Variants in ARID1B observed in about 807,000 individuals in gnomAD.
ARID1B encodes the protein AT-rich interactive domain-containing protein 1B.
Under a neutral mutation model 212.3 loss-of-function variants are expected in ARID1B, and 30 were observed. The ratio of observed to expected loss-of-function variants is 0.14; its 90% confidence interval spans 0.11 to 0.19. The LOEUF is 0.19. ARID1B is among the 10% of genes least tolerant of loss of function. The pLI is 1.00. For missense variants in ARID1B, 2,891 were observed against 3,204.0 expected, an observed-to-expected ratio of 0.90 and a Z score of 2.36; for synonymous variants, 1,402 against 1,301.7, an observed-to-expected ratio of 1.08 and a Z score of -1.66.
At chr6:157,196,395 A>G (rs750758835) in intron 16 of ARID1B, 80 bp downstream of exon 16, 23 of 1,506,716 alleles carry the variant, frequency 1.5e-5, no homozygotes, top group Non-Finnish European at 1.8e-5. Context: ...GAGCCCTGGC[A>G]GCTGAGCCAC....
chr6:156,888,335 A>C (rs1411441091), intron 2 of ARID1B, among the ~76,000 whole-genome samples: 1 of 152,204 alleles, frequency 6.6e-6, no homozygotes, highest in African/African-American at 2.4e-5. Flanking sequence ...TGGTGTCCTC[A>C]CCATGTGCTT....
rs143918366 is a variant in ARID1B, at chr6:156,878,221, A to G, written c.1987-23155A>G. Among the ~76,000 whole-genome samples the G allele has an allele frequency of 2.0e-3, 297 of 152,130 alleles. 3 individuals are homozygous for G. The highest frequency in any genetic ancestry group is 6.7e-3 in the African/African-American group (277 of 41,502). On this transcript the variant is annotated intron_variant, in intron 2 of 19. Coordinates refer to ENST00000636930, the MANE Select transcript of ARID1B (RefSeq NM_001374828.1). ...TATCTGGCTACCATTTCAAGGTACC[A>G]TTTTACCTTGTGTCAGCGAGGATTC...
chr6:156,887,259 T>C (rs1787588459), intron 2 of ARID1B, among the ~76,000 whole-genome samples: 1 of 152,190 alleles, frequency 6.6e-6, no homozygotes, highest in Admixed American at 6.5e-5. Context: ...AACGTACCAA[T>C]GCTGGCTCTT....
At chr6:156,806,923 C>T (rs1272648917) in intron 1 of ARID1B, among the ~76,000 whole-genome samples, 1 of 152,204 alleles carries the variant, frequency 6.6e-6, no homozygotes, top group Non-Finnish European at 1.5e-5. Flanking sequence ...GCCAGAAAAG[C>T]TATGGATGCT....
chr6:157,186,880 A>G (rs181350117), intron 13 of ARID1B, among the ~76,000 whole-genome samples: 91 of 152,292 alleles, frequency 6.0e-4, no homozygotes, highest in Admixed American at 2.7e-3. Flanking sequence ...GTCTCTAGTC[A>G]GGTTTCAATT....
intron 12 of ARID1B, among the ~76,000 whole-genome samples, chr6:157,182,947 A>G (rs1182851277): frequency 6.6e-6 from 1 of 152,200 alleles, no homozygotes; most frequent in African/African-American, 2.4e-5. Flanking sequence ...ATTAGATTTT[A>G]TCAGCCAGCA....
intron 4 of ARID1B, among the ~76,000 whole-genome samples, chr6:156,950,170 A>G (rs539828101): frequency 6.6e-6 from 1 of 152,240 alleles, no homozygotes; most frequent in Admixed American, 6.5e-5. Context: ...TCATGGTATT[A>G]CTAGTGAGTA....
chr6:157,198,855 C>T lies in ARID1B; in HGVS notation c.4427C>T (p.Ser1476Leu), dbSNP rs1554234983. The change falls in exon 17 of 20, where the codon TCG becomes TTG. Residue 1476 changes from serine to leucine, a missense_variant. Around this residue, in one of 7 missense-constraint regions of ARID1B, gnomAD observed 666 missense variants for 873.5 expected, o/e 0.76. Coordinates refer to ENST00000636930, the MANE Select transcript of ARID1B (RefSeq NM_001374828.1). The stretch of plus-strand genomic sequence containing the variant: ...CAGTATCCAGGCCAAGGCCCTCCCT[C>T]GGGACAGCCGCCGTATGGAGGGCAC... ...GQQYPGQGPPSGQPPYGGHQP... is the reference protein window; with the variant it reads ...GQQYPGQGPPLGQPPYGGHQP... 6.8e-6 allele frequency: 11 copies of T among 1,611,318 alleles called. No homozygotes were observed. Among genetic ancestry groups the T allele is most frequent in the Non-Finnish European group, 9.3e-6 (11 of 1,179,028 alleles).
rs188383437 is a variant in ARID1B at position 157,063,753 on chromosome 6, G to C, written c.2248-20909G>C. The stretch of plus-strand genomic sequence containing the variant: ...TCTAGTCCTTGTACAATATGCAAAT[G>C]GCTAGTGTGTTATCTGGGAGGGTTT... On this transcript the variant is annotated intron_variant, in intron 4 of 19. Transcript: ENST00000636930. Among the ~76,000 whole-genome samples, 33 of 152,310 alleles carry C rather than the reference G, an allele frequency of 2.2e-4. No homozygotes were observed. In the East Asian group the frequency reaches 6.0e-3, roughly 28 times the overall value.
intron 3 of ARID1B, among the ~76,000 whole-genome samples, chr6:156,933,764 TTTTG>T (rs371645411): frequency 9.2e-5 from 14 of 152,322 alleles, no homozygotes; most frequent in South Asian, 2.1e-4. Flanking sequence ...TTTGTTTGTT[TTTTG>T]TTTGTTTGTT....
In ARID1B at chr6:156,863,900, A is replaced by G. The variant is rs187156960; in HGVS notation, c.1986+34479A>G. Among the ~76,000 whole-genome samples, 488 of 152,228 alleles carry G rather than the reference A, an allele frequency of 3.2e-3. 2 individuals carry two copies. The highest frequency in any genetic ancestry group is 0.011 in the African/African-American group (465 of 41,552). ...TCCATGTGCAAAATTGGATGTGTGG[A>G]GTGTGGAGAGGGAAGGAGAGATTCC... is the stretch of plus-strand genomic sequence containing the variant. On this transcript the variant is annotated intron_variant, in intron 2 of 19. Coordinates refer to ENST00000636930, the MANE Select transcript of ARID1B (RefSeq NM_001374828.1).
intron 7 of ARID1B, among the ~76,000 whole-genome samples, chr6:157,144,788 A>C (rs1789607480): frequency 6.6e-6 from 1 of 152,202 alleles, no homozygotes; most frequent in Non-Finnish European, 1.5e-5. Context: ...AGGGGAGCCT[A>C]TGTGTGTCCC....
chr6:156,839,324 T>C (rs1783730566), intron 2 of ARID1B, among the ~76,000 whole-genome samples: 1 of 152,192 alleles, frequency 6.6e-6, no homozygotes, highest in Admixed American at 6.5e-5. Context: ...GAGAGGGTAG[T>C]AGCGTGCTGG....
chr6:156,918,313 A>G (rs895641064), intron 3 of ARID1B, among the ~76,000 whole-genome samples: 8 of 152,198 alleles, frequency 5.3e-5, no homozygotes, highest in African/African-American at 1.7e-4. Flanking sequence ...AATTTAATTT[A>G]TAAGCCAATC....
chr6:156,959,420 T>G (rs1011143832), intron 4 of ARID1B, among the ~76,000 whole-genome samples: 1 of 152,244 alleles, frequency 6.6e-6, no homozygotes, highest in Admixed American at 6.5e-5. Context: ...TTATTTTTAC[T>G]GCTTTTCCTC....
intron 3 of ARID1B, among the ~76,000 whole-genome samples, chr6:156,914,829 T>C (rs1486210059): frequency 6.6e-6 from 1 of 152,204 alleles, no homozygotes; most frequent in Non-Finnish European, 1.5e-5. Context: ...CCCAACAATA[T>C]GTATGTCAAT....
chr6:157,179,631 A>G (rs576896503), intron 11 of ARID1B, among the ~76,000 whole-genome samples: 5 of 152,310 alleles, frequency 3.3e-5, no homozygotes, highest in South Asian at 2.1e-4. Context: ...ATTTACATCA[A>G]CTGTATCACC....
At chr6:156,934,623 A>G (rs1184644506) in intron 3 of ARID1B, among the ~76,000 whole-genome samples, 1 of 152,090 alleles carries the variant, frequency 6.6e-6, no homozygotes, top group Admixed American at 6.6e-5. Context: ...TGAGCTTAAT[A>G]ACGATTTACG....
intron 6 of ARID1B, among the ~76,000 whole-genome samples, chr6:157,123,554 C>G (rs1787927556): frequency 6.6e-6 from 1 of 152,194 alleles, no homozygotes; most frequent in African/African-American, 2.4e-5. Context: ...TAGGGGCAGC[C>G]TCGGAAGGCG....
Sources: allele counts gnomAD v4.1 joint callset (sites outside exome capture counted in the v4.1 genomes callset), GRCh38; gene constraint gnomAD v4.1.1; regional missense constraint gnomAD v4.1.1; transcripts MANE v1.5; gene names NCBI Gene and HGNC (gene_info 2026-07-23, HGNC 2026-07-21).